The following ERAL1 variants were observed in gnomAD, a reference collection of about 807,000 sequenced individuals.
The protein encoded by ERAL1 is Era like 12S mitochondrial rRNA chaperone 1.
Under a neutral mutation model 53.6 loss-of-function variants are expected in ERAL1, and 36 were observed. That is an observed-to-expected ratio of 0.67 (90% CI 0.51 to 0.89). The LOEUF is 0.89. Among genes scored for constraint, ERAL1 ranks in the 40% least tolerant of loss-of-function variants. The pLI is 0.00. For missense variants in ERAL1, 512 were observed against 537.5 expected (o/e 0.95, Z 0.47); for synonymous variants, 215 against 211.8 (o/e 1.02, Z -0.13).
In ERAL1 at chr17:28,860,587, C is replaced by A; in HGVS notation, c.*34C>A. 1.3e-6 allele frequency: 2 copies of A among 1,560,714 alleles called. No homozygotes were observed. The highest frequency in any genetic ancestry group is 2.1e-5 in the Admixed American group (1 of 48,012). The stretch of plus-strand genomic sequence containing the variant: ...TACTGACCCTCCCAGGGCATTCCAG[C>A]TCAAGCTGCTGGCAGGAACTGACCA... On this transcript the variant is annotated 3_prime_UTR_variant, in exon 10 of 10. Transcript: ENST00000254928.
Position 28,855,275 on chromosome 17 carries a change from A to G in ERAL1, c.241A>G (p.Ser81Gly). Residue 81 changes from serine to glycine, a missense_variant, in exon 1 of 10, where the codon AGT becomes GGT. Ser to Gly is a moderately conservative substitution (Grantham distance 56, BLOSUM62 0). Coordinates refer to ENST00000254928, the MANE Select transcript of ERAL1 (RefSeq NM_005702.4). ...CTTCCTCGGATTCTCTCAGCCCGACAGTTCGGTGACTCCTTGCGTCCCCGC... is the reference window on the plus strand; with the variant it reads ...CTTCCTCGGATTCTCTCAGCCCGACGGTTCGGTGACTCCTTGCGTCCCCGC... Reference protein sequence around the residue: ...DHFLGFSQPDSSVTPCVPAVS... With the variant: ...DHFLGFSQPDGSVTPCVPAVS... The G allele has an allele frequency of 6.2e-7, 1 of 1,610,236 alleles. No homozygotes were observed.
chr17:28,860,010 C>T (rs527508725), intron 9 of ERAL1, among the ~76,000 whole-genome samples: 5 of 151,380 alleles, frequency 3.3e-5, no homozygotes, highest in African/African-American at 9.7e-5. Context: ...GGTTCTTGCT[C>T]TGTCACTCAG....
chr17:28,858,536 A>G (rs753485526), intron 6 of ERAL1, 40 bp from the exon 7 acceptor site: 4 of 1,614,076 alleles, frequency 2.5e-6, no homozygotes, highest in Non-Finnish European at 3.4e-6. Flanking sequence ...CAAGTCCCCT[A>G]TCTCTGACCA....
At chr17:28,859,760 G>C (rs536756028) in intron 9 of ERAL1, among the ~76,000 whole-genome samples, 1 of 151,650 alleles carries the variant, frequency 6.6e-6, no homozygotes, top group African/African-American at 2.4e-5. Flanking sequence ...GGCTGGCTTC[G>C]AACGCTTGAC....
chr17:28,857,941 T>A lies in ERAL1; in HGVS notation c.492T>A (p.Ile164=), dbSNP rs763747118. The part of the protein sequence containing the change: ...GVITEKETQV[I]LLDTPGIISP... ...GTATCTCACTTTCCTGATTTTAGAT[T>A]CTACTTGACACACCTGGCATTATCA... is the stretch of plus-strand genomic sequence containing the variant. The change falls in exon 4 of 10, where the codon ATT becomes ATA. Residue 164 remains isoleucine, a splice_region_variant and synonymous_variant. Transcript: ENST00000254928. 6.2e-7 allele frequency: 1 copy of A among 1,614,146 alleles called. No homozygotes were observed. The highest frequency in any genetic ancestry group is 1.7e-5 in the Admixed American group (1 of 60,008).
Position 28,860,676 on chromosome 17 carries a change from A to G in ERAL1, c.*123A>G. On this transcript the variant is annotated 3_prime_UTR_variant, in exon 10 of 10. Transcript: ENST00000254928. ...GAGACATGAACACTGACTGGCCACTAGCTGGCCTGGCCCTGTTGAGTCTGC... is the reference window on the plus strand; with the variant it reads ...GAGACATGAACACTGACTGGCCACTGGCTGGCCTGGCCCTGTTGAGTCTGC... The G allele has an allele frequency of 7.8e-7, 1 of 1,280,970 alleles. No individual in the cohort carries two copies. The highest frequency in any genetic ancestry group is 1.0e-6 in the Non-Finnish European group (1 of 959,014). The allele number at this position is 1,280,970 out of a possible 1,614,324, so 79.4% of individuals were successfully genotyped here. A position where few individuals can be genotyped will look rare whatever the true frequency, so the allele number is the denominator to read the frequency against.
intron 9 of ERAL1, among the ~76,000 whole-genome samples, chr17:28,859,976 T>C (rs971806895): frequency 1.3e-5 from 2 of 151,750 alleles, no homozygotes; most frequent in African/African-American, 4.8e-5. Context: ...CTTTTTTTTA[T>C]TTTTTTATTT....
intron 3 of ERAL1, chr17:28,856,783 C>G (rs954314827): frequency 3.9e-6 from 2 of 511,114 alleles, no homozygotes; most frequent in Non-Finnish European, 7.0e-6. Context: ...GCGATCTTGG[C>G]TCACTGCAAG....
chr17:28,855,825 C>T (rs1384638674), intron 1 of ERAL1, among the ~76,000 whole-genome samples: 1 of 150,662 alleles, frequency 6.6e-6, no homozygotes, highest in Non-Finnish European at 1.5e-5. Flanking sequence ...GGAAAGCTTG[C>T]AGGGCCTTCA....
chr17:28,857,684 C>G (rs1473065207), intron 3 of ERAL1, among the ~76,000 whole-genome samples: 2 of 151,980 alleles, frequency 1.3e-5, no homozygotes, highest in Non-Finnish European at 2.9e-5. Flanking sequence ...CCCAGCTACT[C>G]AGGAGGTTGA....
At chr17:28,856,778 C>T in intron 3 of ERAL1, 196 bp downstream of exon 3, 3 of 515,400 alleles carry the variant, frequency 5.8e-6, no homozygotes, top group South Asian at 2.1e-5. Context: ...GTGACGCGAT[C>T]TTGGCTCACT....
At chr17:28,859,366 AC>A in intron 9 of ERAL1, 83 bp downstream of exon 9, 1 of 1,272,706 alleles carries the variant, frequency 7.9e-7, no homozygotes, top group Non-Finnish European at 1.1e-6. Context: ...TGAGAGCAGG[AC>A]CATATCCTTC....
rs1446943484 is a variant in ERAL1, at chr17:28,856,214, A to G, written c.284-50A>G. 6.2e-6 allele frequency: 10 copies of G among 1,606,864 alleles called. No individual in the cohort carries two copies. The South Asian group carries it at 1.1e-4, about 18-fold the overall frequency. On this transcript the variant is annotated intron_variant, in intron 1 of 9. Coordinates refer to ENST00000254928, the MANE Select transcript of ERAL1 (RefSeq NM_005702.4). ...GGGTGGGCAGGAACAAGCACTTGAC[A>G]GGAAATCCAGATTCCACTGTGTCTC...
chr17:28,860,084 T>C (rs962618976), intron 9 of ERAL1, among the ~76,000 whole-genome samples: 30 of 152,024 alleles, frequency 2.0e-4, no homozygotes, highest in African/African-American at 7.0e-4. Flanking sequence ...CAAGTGATTC[T>C]CCTGCCTCAG....
chr17:28,855,276 G>T lies in ERAL1; in HGVS notation c.242G>T (p.Ser81Ile). 3 of 1,609,436 alleles carry T rather than the reference G, an allele frequency of 1.9e-6. No homozygotes were observed. The highest frequency in any genetic ancestry group is 2.2e-5 in the South Asian group (2 of 90,856). ...TTCCTCGGATTCTCTCAGCCCGACA[G>T]TTCGGTGACTCCTTGCGTCCCCGCG... Reference protein sequence around the residue: ...DHFLGFSQPDSSVTPCVPAVS... With the variant: ...DHFLGFSQPDISVTPCVPAVS... The change falls in exon 1 of 10, where the codon AGT becomes ATT. Residue 81 changes from serine (S) to isoleucine (I), a missense_variant. Physicochemically the swap from Ser to Ile is moderately radical, Grantham distance 142. Transcript: ENST00000254928.
rs769021353 is a variant in ERAL1 at position 28,858,608 on chromosome 17, G to A, written c.744G>A (p.Leu248=). 2 of 1,614,188 alleles carry A rather than the reference G, an allele frequency of 1.2e-6. No individual in the cohort carries two copies. The highest frequency in any genetic ancestry group is 2.2e-5 in the South Asian group (2 of 91,090). Residue 248 remains leucine (L), a synonymous_variant, in exon 7 of 10, where the codon CTG becomes CTA. Coordinates refer to ENST00000254928, the MANE Select transcript of ERAL1 (RefSeq NM_005702.4). ...GTTTGAAGCAGAAGTCAGTTCTCCTGGAGCTCACGGCAGCCCTCACTGAAG... is the reference window on the plus strand; with the variant it reads ...GTTTGAAGCAGAAGTCAGTTCTCCTAGAGCTCACGGCAGCCCTCACTGAAG... ...VDCLKQKSVL[L]ELTAALTEGV...
At chr17:28,857,508 G>C (rs1214470487) in intron 3 of ERAL1, among the ~76,000 whole-genome samples, 1 of 151,946 alleles carries the variant, frequency 6.6e-6, no homozygotes, top group Non-Finnish European at 1.5e-5. Context: ...CCTAAGGTCA[G>C]CCTGGGCGCA....
intron 7 of ERAL1, 65 bp downstream of exon 7, chr17:28,858,889 C>T (rs1332556535): frequency 1.2e-6 from 2 of 1,611,704 alleles, no homozygotes; most frequent in African/African-American, 2.7e-5. Context: ...CCTCAAATTT[C>T]CTCCTGGAAG....
chr17:28,859,357 G>T, intron 9 of ERAL1, 74 bp downstream of exon 9: 1 of 1,404,194 alleles, frequency 7.1e-7, no homozygotes, highest in Non-Finnish European at 1.0e-6. Flanking sequence ...TTGGAGCCCT[G>T]AGAGCAGGAC....
Sources: gnomAD v4.1 joint callset for allele counts (sites outside exome capture counted in the v4.1 genomes callset) on GRCh38, gnomAD v4.1.1 for gene constraint, MANE v1.5 for transcripts, NCBI Gene and HGNC (gene_info 2026-07-23, HGNC 2026-07-21) for gene names.